The following PCDH19 variants were observed in gnomAD, a reference collection of about 807,000 sequenced individuals.
PCDH19 encodes protocadherin 19, also known as protocadherin-19.
PCDH19 carries 6 observed loss-of-function variants against 46.2 expected under a neutral mutation model. That is an observed-to-expected ratio of 0.13 (90% confidence interval 0.07 to 0.26). The LOEUF is 0.26. Among genes scored for constraint, PCDH19 ranks in the 10% least tolerant of loss-of-function variants. PCDH19 has a pLI of 1.00. For synonymous variants in PCDH19, 481 were observed against 415.7 expected (o/e 1.16, Z -1.91); for missense variants, 740 against 972.3 (o/e 0.76, Z 3.18).
At chrX:100,296,917 C>T (rs1022598844) in intron 5 of PCDH19, 42 bp from the exon 6 acceptor site, 2 of 1,117,123 alleles carry the variant, frequency 1.8e-6, no homozygotes, top group Non-Finnish European at 2.5e-6. Context: ...CAGCTTTTCC[C>T]AGGATTCACT....
At chrX:100,346,115 T>C (rs1262041675) in intron 4 of PCDH19, among the ~76,000 whole-genome samples, 1 of 112,089 alleles carries the variant, frequency 8.9e-6, no homozygotes, top group Non-Finnish European at 1.9e-5. Flanking sequence ...ATTACTGCTC[T>C]GGTGGCCAAC....
At chrX:100,363,705 TTATTTTATATATAATA>T (rs1271949194) in intron 3 of PCDH19, among the ~76,000 whole-genome samples, 2 of 55,186 alleles carry the variant, frequency 3.6e-5, no homozygotes, top group East Asian at 6.9e-4. Context: ...TATAATATAT[TTATTTTATATATAATA>T]TATTTATTTT....
chrX:100,403,285 C>T, intron 2 of PCDH19, among the ~76,000 whole-genome samples: 1 of 109,547 alleles, frequency 9.1e-6, no homozygotes, highest in Non-Finnish European at 1.9e-5. Context: ...CCCGCCCCCA[C>T]CCCCTTGCCA....
At position 100,408,436 on chromosome X, in the gene PCDH19, G is replaced by T; in HGVS notation, c.162C>A (p.Asp54Glu). ...CGCGAAAGGCTGAAGCCTGCCGGGG[G>T]TCCAGCGCGAAGCCCGCCTCTCGCG... ...KDAREAGFAL[D>E]PRQASAFRVV... is the part of the protein sequence containing the mutation. The change falls in exon 1 of 6, where the codon GAC (aspartate) becomes GAA (glutamate). Residue 54 changes from aspartate (D) to glutamate (E), a missense_variant. Physicochemically the swap from Asp to Glu is conservative, Grantham distance 45. Around this residue, in one of 5 missense-constraint regions of PCDH19, gnomAD observed 81 missense variants for 96.5 expected, o/e 0.84. Coordinates refer to ENST00000373034, the MANE Select transcript of PCDH19 (RefSeq NM_001184880.2). The T allele has an allele frequency of 2.5e-6, 3 of 1,204,920 alleles. No homozygotes were observed. The highest frequency in any genetic ancestry group is 3.4e-6 in the Non-Finnish European group (3 of 893,860).
rs1260102870 is a variant in PCDH19 at position 100,294,652 on chromosome X, G to C, written c.*1625C>G. On this transcript the variant is annotated 3_prime_UTR_variant, in exon 6 of 6. Coordinates refer to ENST00000373034, the MANE Select transcript of PCDH19 (RefSeq NM_001184880.2). ...CTGAATTTCAAAAAATGAAACAAAT[G>C]AAAACAGAACCATAAAACTTGTTTC... 1 of 111,584 alleles carries C rather than the reference G, an allele frequency of 9.0e-6. No homozygotes were observed. Among genetic ancestry groups the C allele is most frequent in the Non-Finnish European group, 1.9e-5 (1 of 53,077 alleles). 9.2% of individuals were successfully genotyped at this position (111,584 alleles called of 1,213,427 possible).
intron 5 of PCDH19, among the ~76,000 whole-genome samples, chrX:100,324,750 G>C (rs1374043163): frequency 2.7e-5 from 3 of 111,374 alleles, no homozygotes; most frequent in South Asian, 3.8e-4. Flanking sequence ...AAGTGAAGAG[G>C]GGAGACAGGA....
chrX:100,299,401 G>C (rs1471346487), intron 5 of PCDH19, among the ~76,000 whole-genome samples: 1 of 111,297 alleles, frequency 9.0e-6, no homozygotes, highest in Non-Finnish European at 1.9e-5. Flanking sequence ...CTCTAATTTT[G>C]AGATTTAGTT....
chrX:100,344,863 C>T (rs771508813), intron 4 of PCDH19, among the ~76,000 whole-genome samples: 1 of 105,443 alleles, frequency 9.5e-6, no homozygotes, highest in South Asian at 4.7e-4. Flanking sequence ...CCAGTAGTGA[C>T]CCCCACTTAA....
intron 1 of PCDH19, among the ~76,000 whole-genome samples, chrX:100,405,564 C>A (rs1478885134): frequency 3.0e-4 from 28 of 92,866 alleles, no homozygotes; most frequent in African/African-American, 1.1e-3. Flanking sequence ...TCTCTCCCTC[C>A]CCCCCCCATA....
intron 5 of PCDH19, among the ~76,000 whole-genome samples, chrX:100,315,117 T>C (rs768040377): frequency 2.7e-5 from 3 of 112,324 alleles, no homozygotes; most frequent in African/African-American, 9.7e-5. Context: ...AGAGTAAGCC[T>C]GACAATTCTG....
chrX:100,373,154 G>A (rs186407849), intron 3 of PCDH19, among the ~76,000 whole-genome samples: 248 of 112,293 alleles, frequency 2.2e-3, no homozygotes, highest in African/African-American at 7.6e-3. Flanking sequence ...GACTACAGGC[G>A]CGTGCCACCA....
chrX:100,311,448 C>G (rs1925129309), intron 5 of PCDH19, among the ~76,000 whole-genome samples: 1 of 111,655 alleles, frequency 9.0e-6, no homozygotes, highest in South Asian at 3.8e-4. Flanking sequence ...TTAACAGGAA[C>G]TGACACTTCC....
At chrX:100,367,758 C>T (rs1009132878) in intron 3 of PCDH19, among the ~76,000 whole-genome samples, 5 of 111,307 alleles carry the variant, frequency 4.5e-5, no homozygotes, top group Admixed American at 9.5e-5. Context: ...TTGTGGGGAA[C>T]ACCAACATTT....
At chrX:100,322,848 TATATA>T (rs1569291789) in intron 5 of PCDH19, among the ~76,000 whole-genome samples, 2 of 57,880 alleles carry the variant, frequency 3.5e-5, no homozygotes, top group African/African-American at 1.7e-4. Context: ...TATATATATA[TATATA>T]TATATATATA....
Position 100,333,167 on chromosome X carries a change from A to AG in PCDH19, c.2848+8735_2848+8736insC, listed in dbSNP as rs1569294654. Among the ~76,000 whole-genome samples the AG allele has an allele frequency of 7.3e-4, 25 of 34,404 alleles. 1 individual carries two copies. Among genetic ancestry groups the AG allele is most frequent in the East Asian group, 2.1e-3 (2 of 948 alleles). The allele number at this position is 34,404 out of a possible 115,157, so 29.9% of individuals were successfully genotyped here. ...GAAGGAAGGAAGGAAGGAAGGAAGG[A>AG]AGGAAGGGAGAGAGAGAGAAAGAAA... On this transcript the variant is annotated intron_variant, in intron 5 of 5. Transcript: ENST00000373034.
At chrX:100,322,120 T>A (rs1925510106) in intron 5 of PCDH19, among the ~76,000 whole-genome samples, 1 of 110,873 alleles carries the variant, frequency 9.0e-6, no homozygotes, top group Admixed American at 9.6e-5. Context: ...TGCTTTTGGG[T>A]TCTTGGTAAT....
Position 100,403,593 on chromosome X carries a change from A to T in PCDH19, c.2219T>A (p.Ile740Asn). The T allele has an allele frequency of 8.3e-7, 1 of 1,207,489 alleles. No homozygotes were observed. Among genetic ancestry groups the T allele is most frequent in the Non-Finnish European group, 1.1e-6 (1 of 892,380 alleles). The change falls in exon 2 of 6, where the codon ATC (isoleucine) becomes AAC (asparagine). Residue 740 changes from isoleucine (I) to asparagine (N), a missense_variant. Physicochemically the swap from Ile to Asn is moderately radical, Grantham distance 149 (BLOSUM62 -3). Coordinates refer to ENST00000373034, the MANE Select transcript of PCDH19 (RefSeq NM_001184880.2). ...KGQNSKCLHC[I>N]SVSPISEEQD... ...CTCCTCGCTAATGGGAGAAACCGAGATGCAATGCAGACACTTGCTGTTTTG... is the reference window on the plus strand; with the variant it reads ...CTCCTCGCTAATGGGAGAAACCGAGTTGCAATGCAGACACTTGCTGTTTTG...
rs1455437640 is a variant in PCDH19 at position 100,303,841 on chromosome X, T to C, written c.2849-6966A>G. 4.5e-5 allele frequency among the ~76,000 whole-genome samples: 5 copies of C among 111,858 alleles called. No homozygotes were observed. In the East Asian group the frequency reaches 1.1e-3, roughly 25 times the overall value. ...TGTTAGCAGCCCTCCCCTACAACAC[T>C]ATGGAATGACAGACAGACATCAGGC... is the stretch of plus-strand genomic sequence containing the variant. On this transcript the variant is annotated intron_variant, in intron 5 of 5. Coordinates refer to ENST00000373034, the MANE Select transcript of PCDH19 (RefSeq NM_001184880.2).
chrX:100,342,363 A>G (rs987541763), intron 4 of PCDH19, among the ~76,000 whole-genome samples: 3 of 112,392 alleles, frequency 2.7e-5, no homozygotes, highest in Non-Finnish European at 3.8e-5. Flanking sequence ...GCCTCTAAAG[A>G]ATGTCATCAT....
Sources: gnomAD v4.1 joint callset for allele counts (sites outside exome capture counted in the v4.1 genomes callset) on GRCh38, gnomAD v4.1.1 for gene constraint, gnomAD v4.1.1 regional missense constraint, MANE v1.5 for transcripts, NCBI Gene and HGNC (gene_info 2026-07-23, HGNC 2026-07-21) for gene names.